Variants in GRAMD4 observed in about 807,000 individuals in gnomAD.
GRAMD4 encodes the protein GRAM domain containing 4, also known as GRAM domain-containing protein 4.
In GRAMD4, 25 loss-of-function variants were observed where a neutral mutation model predicts 83.9. The ratio of observed to expected loss-of-function variants is 0.30; its 90% CI spans 0.22 to 0.42. The LOEUF (loss-of-function observed/expected upper bound fraction) is 0.42, where lower values mean the gene tolerates loss of function less well. Among genes scored for constraint, GRAMD4 ranks in the 10% least tolerant of loss-of-function variants. GRAMD4 has a pLI of 1.00. For missense variants in GRAMD4, 593 were observed against 788.7 expected, an observed-to-expected ratio of 0.75 and a Z score of 2.97; for synonymous variants, 336 against 320.9, an observed-to-expected ratio of 1.05 and a Z score of -0.50.
At chr22:46,648,536 A>G in intron 3 of GRAMD4, among the ~76,000 whole-genome samples, 1 of 140,820 alleles carries the variant, frequency 7.1e-6, no homozygotes, top group East Asian at 2.2e-4. Context: ...TGGGTGGGTG[A>G]ATGGGAGAAG....
At position 46,586,251 on chromosome 22, in the gene GRAMD4, T is replaced by C. The variant is rs541683519; in HGVS notation, c.-50+8961T>C. On this transcript the variant is annotated intron_variant, in intron 1 of 1. Transcript: ENST00000431155. ...CTCCTGCCTTCCTGCTGACCGTGTC[T>C]CCTTCCTTGCCCTGGCTCCTCCCCA... Among the ~76,000 whole-genome samples, 6 of 152,270 alleles carry C rather than the reference T, an allele frequency of 3.9e-5. No individual in the cohort carries two copies. In the East Asian group the frequency reaches 1.2e-3, roughly 29 times the overall value.
In GRAMD4 at chr22:46,601,902, C is replaced by T. The variant is rs117137584; in HGVS notation, c.-50+24612C>T. Among the ~76,000 whole-genome samples the T allele has an allele frequency of 5.8e-3, 882 of 152,312 alleles. 5 individuals carry two copies. The highest frequency in any genetic ancestry group is 9.7e-3 in the Non-Finnish European group (663 of 68,036). ...TCAAGGCTCCTGATGGCTTCAGCCCCCAGTTCATATCTCCAGAGGTCTCCA... is the reference window on the plus strand; with the variant it reads ...TCAAGGCTCCTGATGGCTTCAGCCCTCAGTTCATATCTCCAGAGGTCTCCA... On this transcript the variant is annotated intron_variant, in intron 1 of 1. Coordinates refer to the GRAMD4 transcript ENST00000431155.
chr22:46,592,020 G>T (rs529040473), intron 1 of GRAMD4, among the ~76,000 whole-genome samples: 45 of 151,416 alleles, frequency 3.0e-4, no homozygotes, highest in African/African-American at 9.7e-4. Flanking sequence ...CCTCCCTCTC[G>T]CCCCCAAGTC....
At chr22:46,585,682 T>C (rs1436532008) in intron 1 of GRAMD4, among the ~76,000 whole-genome samples, 1 of 151,964 alleles carries the variant, frequency 6.6e-6, no homozygotes. Context: ...GCACACATGG[T>C]GGAAGGGAGC....
intron 3 of GRAMD4, among the ~76,000 whole-genome samples, chr22:46,643,280 T>TCCGTGG (rs2082016048): frequency 8.1e-6 from 1 of 123,388 alleles, no homozygotes. Context: ...TCCATCCATC[T>TCCGTGG]ATCCATCCAT....
Position 46,626,764 on chromosome 22 carries a change from C to G in GRAMD4, c.-36C>G, listed in dbSNP as rs1239383271. 1 of 1,602,404 alleles carries G rather than the reference C, an allele frequency of 6.2e-7. No homozygotes were observed. Among genetic ancestry groups the G allele is most frequent in the South Asian group, 1.1e-5 (1 of 90,536 alleles). ...CCTCTCTTGCAGGGAACCCGAGCGTCATGTTAGGGTGAAGCAGAGGACCTC... is the reference window on the plus strand; with the variant it reads ...CCTCTCTTGCAGGGAACCCGAGCGTGATGTTAGGGTGAAGCAGAGGACCTC... On this transcript the variant is annotated 5_prime_UTR_variant, in exon 2 of 19. The change creates a premature stop within an existing upstream ORF in the 5' untranslated region. Transcript: ENST00000406902.
In GRAMD4 at chr22:46,677,502, G is replaced by A. The variant is rs1180004716; in HGVS notation, c.*251G>A. 12 of 1,272,666 alleles carry A rather than the reference G, an allele frequency of 9.4e-6. No homozygotes were observed. The highest frequency in any genetic ancestry group is 1.2e-5 in the Non-Finnish European group (12 of 1,004,982). 78.8% of individuals were successfully genotyped at this position (1,272,666 alleles called of 1,614,324 possible). A position where few individuals can be genotyped will look rare whatever the true frequency, so the allele number is the denominator to read the frequency against. ...CTCTGAGGGCCACCCGCAGACTGGG[G>A]GAGGGGGCAGAGGCCCTCGGGGGCC... On this transcript the variant is annotated 3_prime_UTR_variant, in exon 19 of 19. Transcript: ENST00000406902.
intron 1 of GRAMD4, among the ~76,000 whole-genome samples, chr22:46,584,321 TA>T (rs111775519): frequency 0.022 from 3,297 of 152,206 alleles, 122 homozygotes; most frequent in African/African-American, 0.075. Flanking sequence ...TGGGCCCTCT[TA>T]GCTGACAGCA....
intron 17 of GRAMD4, among the ~76,000 whole-genome samples, chr22:46,676,358 C>T (rs2082598415): frequency 6.6e-6 from 1 of 152,238 alleles, no homozygotes; most frequent in South Asian, 2.1e-4. Context: ...CTCTGACCTT[C>T]CTCAGGCCAG....
At chr22:46,615,011 CTGTG>C (rs2081461361) in intron 1 of GRAMD4, among the ~76,000 whole-genome samples, 2 of 114,492 alleles carry the variant, frequency 1.7e-5, no homozygotes, top group Admixed American at 8.3e-5. Flanking sequence ...GTAGGTTCCC[CTGTG>C]CGTGTGGGTT....
intron 1 of GRAMD4, among the ~76,000 whole-genome samples, chr22:46,586,279 G>T (rs1289674995): frequency 5.2e-5 from 7 of 134,340 alleles, no homozygotes; most frequent in African/African-American, 1.7e-4. Flanking sequence ...CCTCCCCACC[G>T]CCCCACGTGC....
intron 3 of GRAMD4, among the ~76,000 whole-genome samples, chr22:46,644,339 T>TGTTCCGTGTTACACCTGTTC (rs2082034915): frequency 6.6e-6 from 1 of 151,444 alleles, no homozygotes; most frequent in African/African-American, 2.4e-5. Context: ...TACACCTGTT[T>TGTTCCGTGTTACACCTGTTC]CTGTTCCGTG....
Position 46,626,733 on chromosome 22 carries a change from C to T in GRAMD4, c.-49-18C>T, listed in dbSNP as rs1234486994. 1 of 1,518,466 alleles carries T rather than the reference C, an allele frequency of 6.6e-7. No individual in the cohort carries two copies. The allele number at this position is 1,518,466 out of a possible 1,614,324, so 94.1% of individuals were successfully genotyped here. The stretch of plus-strand genomic sequence containing the variant: ...TGGAGGTGGCGAGCGGGAGAGTGAC[C>T]ACGCCCCTCTCTTGCAGGGAACCCG... On this transcript the variant is annotated intron_variant, in intron 1 of 18. Coordinates refer to ENST00000406902, the MANE Select transcript of GRAMD4 (RefSeq NM_015124.5).
chr22:46,665,050 G>A (rs373516270), intron 8 of GRAMD4, among the ~76,000 whole-genome samples: 1 of 152,230 alleles, frequency 6.6e-6, no homozygotes, highest in African/African-American at 2.4e-5. Flanking sequence ...CAAATGCTTT[G>A]CGACAGGAGG....
intron 3 of GRAMD4, among the ~76,000 whole-genome samples, chr22:46,641,385 A>C (rs1282217851): frequency 1.0e-5 from 1 of 97,806 alleles, no homozygotes; most frequent in Non-Finnish European, 2.0e-5. Flanking sequence ...ATCTCTAAAT[A>C]AATAAATAAG....
chr22:46,634,960 G>T (rs2147203493), intron 2 of GRAMD4, among the ~76,000 whole-genome samples: 1 of 151,062 alleles, frequency 6.6e-6, no homozygotes, highest in Admixed American at 6.6e-5. Context: ...AAAAAAAAAA[G>T]AAATCATAAT....
chr22:46,643,147 C>CATGCATG (rs1569283841), intron 3 of GRAMD4, among the ~76,000 whole-genome samples: 9 of 33,088 alleles, frequency 2.7e-4, no homozygotes, highest in African/African-American at 4.1e-4. Context: ...ATCCTTCCAT[C>CATGCATG]CATCCATCCA....
intron 1 of GRAMD4, among the ~76,000 whole-genome samples, chr22:46,590,503 A>C (rs775343868): frequency 1.4e-4 from 21 of 152,182 alleles, no homozygotes; most frequent in Non-Finnish European, 2.8e-4. Flanking sequence ...GTGTGTGACC[A>C]GGCCTGGGCT....
rs142397109 is a variant in GRAMD4, at chr22:46,629,118, G to A, written c.162+2157G>A. On this transcript the variant is annotated intron_variant, in intron 2 of 18. Coordinates refer to ENST00000406902, the MANE Select transcript of GRAMD4 (RefSeq NM_015124.5). ...CGGGGGGAAACCACCTCAGGGACTCGGACGTCTGGAAACCCAGGAGATTCC... is the reference window on the plus strand; with the variant it reads ...CGGGGGGAAACCACCTCAGGGACTCAGACGTCTGGAAACCCAGGAGATTCC... Among the ~76,000 whole-genome samples the A allele has an allele frequency of 4.9e-4, 75 of 152,176 alleles. 1 individual carries two copies. The highest frequency in any genetic ancestry group is 3.4e-3 in the Middle Eastern group (1 of 294).
Sources: allele counts gnomAD v4.1 joint callset (sites outside exome capture counted in the v4.1 genomes callset), GRCh38; gene constraint gnomAD v4.1.1; transcripts MANE v1.5; gene names NCBI Gene and HGNC (gene_info 2026-07-23, HGNC 2026-07-21).